The following ZNF540 variants were observed in gnomAD, a reference collection of about 807,000 sequenced individuals.
ZNF540 encodes CTD-3064H18.6.
ZNF540 carries 3 observed loss-of-function variants against 11.8 expected under a neutral mutation model. The ratio of observed to expected loss-of-function variants is 0.25; its 90% CI spans 0.12 to 0.65. ZNF540 has a LOEUF of 0.65. ZNF540 is among the 30% of genes least tolerant of loss of function. The pLI, the probability that ZNF540 is intolerant of heterozygous loss-of-function variation, is 0.83. For missense variants in ZNF540, 709 were observed against 793.1 expected, an observed-to-expected ratio of 0.89 and a Z score of 1.27; for synonymous variants, 247 against 259.0, an observed-to-expected ratio of 0.95 and a Z score of 0.45.
At chr19:37,566,133 G>C in intron 1 of ZNF540, 1 of 1,613,956 alleles carries the variant, frequency 6.2e-7, no homozygotes, top group Non-Finnish European at 8.5e-7. Context: ...CTTGCTTCTT[G>C]ACCCTCTAAG....
intron 3 of ZNF540, among the ~76,000 whole-genome samples, chr19:37,600,416 TC>T (rs1469190518): frequency 2.0e-5 from 3 of 152,144 alleles, no homozygotes; most frequent in African/African-American, 7.2e-5. Context: ...TAACTTAGCA[TC>T]TAACTTTAAA....
chr19:37,564,801 A>C (rs1600452538), intron 1 of ZNF540: 1 of 1,613,862 alleles, frequency 6.2e-7, no homozygotes. Flanking sequence ...GTAAGGTGTG[A>C]GCCACGAATA....
chr19:37,605,944 C>G (rs1247267481), intron 4 of ZNF540, among the ~76,000 whole-genome samples: 2 of 152,152 alleles, frequency 1.3e-5, no homozygotes, highest in Non-Finnish European at 2.9e-5. Context: ...ATTTACATAA[C>G]ATAAAATTTA....
intron 1 of ZNF540, among the ~76,000 whole-genome samples, chr19:37,577,429 C>T (rs1322386041): frequency 6.6e-6 from 1 of 152,116 alleles, no homozygotes; most frequent in Admixed American, 6.5e-5. Context: ...AACATTTACT[C>T]ACAACATAAA....
intron 1 of ZNF540, among the ~76,000 whole-genome samples, chr19:37,573,184 T>C (rs77578803): frequency 3.5e-4 from 54 of 152,310 alleles, no homozygotes; most frequent in Non-Finnish European, 7.1e-4. Flanking sequence ...ACAGAAATTA[T>C]ATCATTTTTA....
intron 1 of ZNF540, among the ~76,000 whole-genome samples, chr19:37,575,986 C>T (rs986581605): frequency 1.3e-5 from 2 of 151,902 alleles, no homozygotes; most frequent in Non-Finnish European, 1.5e-5. Flanking sequence ...TTATTCTTGC[C>T]AAACTTCAAA....
Position 37,612,676 on chromosome 19 carries a change from C to T in ZNF540, c.1396C>T (p.Pro466Ser), listed in dbSNP as rs2044141561. The change falls in exon 5 of 5, where the codon CCC becomes TCC. Residue 466 changes from proline (P) to serine (S), a missense_variant. Pro to Ser is a moderately conservative substitution (Grantham distance 74). Transcript: ENST00000316433. ...TCAGAGACTTCATACTGGTGTGAAG[C>T]CCTACGAATGTAAGGAATGTGGGAA... The part of the protein sequence containing the change: ...EHQRLHTGVK[P>S]YECKECGKTF... 5 of 1,614,014 alleles carry T rather than the reference C, an allele frequency of 3.1e-6. No individual in the cohort carries two copies. Among genetic ancestry groups the T allele is most frequent in the Non-Finnish European group, 4.2e-6 (5 of 1,180,000 alleles).
At chr19:37,603,004 C>CTT (rs569985494) in intron 4 of ZNF540, among the ~76,000 whole-genome samples, 1,234 of 113,200 alleles carry the variant, frequency 0.011, 35 homozygotes, top group East Asian at 0.028. Context: ...TGTAAGGAGT[C>CTT]TTTTTTTTTT....
upstream of ZNF540, among the ~76,000 whole-genome samples, chr19:37,591,909 A>G (rs544695951): frequency 2.0e-5 from 3 of 152,212 alleles, no homozygotes; most frequent in Non-Finnish European, 4.4e-5. Context: ...GAAGAACTGT[A>G]ACTAATGAAT....
At chr19:37,563,133 G>C (rs1044888749) in intron 1 of ZNF540, 3 of 152,050 alleles carry the variant, frequency 2.0e-5, no homozygotes, top group Non-Finnish European at 4.4e-5. Context: ...TTTAAGACCA[G>C]ATGAGGAAAC....
chr19:37,571,269 C>T (rs371600644), intron 1 of ZNF540, among the ~76,000 whole-genome samples: 151 of 152,092 alleles, frequency 9.9e-4, no homozygotes, highest in African/African-American at 3.3e-3. Context: ...CTGAGGTGGG[C>T]AGATCACCTC....
chr19:37,595,333 T>A (rs987225910), intron 1 of ZNF540: 1 of 152,186 alleles, frequency 6.6e-6, no homozygotes, highest in Non-Finnish European at 1.5e-5. Flanking sequence ...AGTGGCGCAT[T>A]TAGTATTGTG....
At chr19:37,586,679 T>A in intron 1 of ZNF540, 1 of 1,614,002 alleles carries the variant, frequency 6.2e-7, no homozygotes, top group South Asian at 1.1e-5. Context: ...TGGGGCATGG[T>A]TTTTTAGAAC....
chr19:37,603,156 T>C (rs2044053669), intron 4 of ZNF540, among the ~76,000 whole-genome samples: 1 of 151,972 alleles, frequency 6.6e-6, no homozygotes, highest in South Asian at 2.1e-4. Flanking sequence ...TACAGGCGCC[T>C]GCCACCACGC....
chr19:37,604,703 C>T (rs1393233286), intron 4 of ZNF540, among the ~76,000 whole-genome samples: 2 of 152,074 alleles, frequency 1.3e-5, no homozygotes, highest in Non-Finnish European at 2.9e-5. Flanking sequence ...TGGACAAACA[C>T]GTGAGTCTTG....
In ZNF540 at chr19:37,612,648, A is replaced by G; in HGVS notation, c.1368A>G (p.Glu456=). The stretch of plus-strand genomic sequence containing the variant: ...TTATGCTTCGTTCAGTCCTTACTGA[A>G]CATCAGAGACTTCATACTGGTGTGA... The part of the protein sequence containing the change: ...KAFMLRSVLT[E]HQRLHTGVKP... The change falls in exon 5 of 5, where the codon GAA becomes GAG. Residue 456 remains glutamate, a synonymous_variant. Coordinates refer to ENST00000316433, the MANE Select transcript of ZNF540 (RefSeq NM_001172225.3). 6.2e-7 allele frequency: 1 copy of G among 1,613,924 alleles called. No homozygotes were observed. The highest frequency in any genetic ancestry group is 1.1e-5 in the South Asian group (1 of 91,058).
intron 1 of ZNF540, chr19:37,555,651 G>A (rs1237596268): frequency 2.0e-6 from 1 of 509,596 alleles, no homozygotes; most frequent in Non-Finnish European, 3.5e-6. Context: ...ACTTTGTTAG[G>A]GGGTTTCTGG....
At chr19:37,600,329 C>T (rs2044029147) in intron 3 of ZNF540, among the ~76,000 whole-genome samples, 1 of 152,058 alleles carries the variant, frequency 6.6e-6, no homozygotes, top group Non-Finnish European at 1.5e-5. Flanking sequence ...ACACAATATC[C>T]CCAGGTAACA....
chr19:37,571,189 A>T (rs775013895), intron 1 of ZNF540, among the ~76,000 whole-genome samples: 20 of 152,108 alleles, frequency 1.3e-4, no homozygotes, highest in Non-Finnish European at 2.6e-4. Context: ...CATCAAAATG[A>T]TTTTGCCTTA....
Sources: allele counts gnomAD v4.1 joint callset (sites outside exome capture counted in the v4.1 genomes callset), GRCh38; gene constraint gnomAD v4.1.1; transcripts MANE v1.5; gene names NCBI Gene and HGNC (gene_info 2026-07-23, HGNC 2026-07-21).